SNX29: variants seen among roughly 807,000 people sequenced by gnomAD.
SNX29 encodes sorting nexin-29.
In SNX29, 78 loss-of-function variants were observed where a neutral mutation model predicts 102.1. That is an observed-to-expected ratio of 0.76 (90% CI 0.64 to 0.92). SNX29 has a LOEUF of 0.92. SNX29 is among the 40% of genes least tolerant of loss of function. The pLI is 0.00. For synonymous variants in SNX29, 580 were observed against 414.5 expected, an observed-to-expected ratio of 1.40 and a Z score of -4.85; for missense variants, 1,280 against 1,061.7, an observed-to-expected ratio of 1.21 and a Z score of -2.86.
At chr16:12,365,437 C>G (rs1244497033) in intron 16 of SNX29, among the ~76,000 whole-genome samples, 1 of 151,684 alleles carries the variant, frequency 6.6e-6, no homozygotes, top group African/African-American at 2.4e-5. Context: ...TGCCTGTAAT[C>G]TCAGCACTTT....
At chr16:12,270,794 C>A (rs532084972) in intron 14 of SNX29, among the ~76,000 whole-genome samples, 1 of 152,210 alleles carries the variant, frequency 6.6e-6, no homozygotes, top group South Asian at 2.1e-4. Context: ...GTAATCCCAG[C>A]ACTTTGGGAG....
chr16:12,118,279 A>G (rs2053818679), intron 11 of SNX29, among the ~76,000 whole-genome samples: 1 of 149,846 alleles, frequency 6.7e-6, no homozygotes, highest in Non-Finnish European at 1.5e-5. Context: ...ATGCCTTTTA[A>G]AAGAAGACTG....
rs527510991 is a variant in SNX29 at position 12,461,338 on chromosome 16, A to G, written c.2038-16381A>G. 5.9e-5 allele frequency among the ~76,000 whole-genome samples: 9 copies of G among 152,286 alleles called. No individual in the cohort carries two copies. The East Asian group carries it at 1.2e-3, about 20-fold the overall frequency. The stretch of plus-strand genomic sequence containing the variant: ...TGAATGTGCAGCTGGGCTGACTTGG[A>G]AGGAATTTCCAGAGGTGGTTTTGCT... On this transcript the variant is annotated intron_variant, in intron 18 of 20. Transcript: ENST00000566228.
intron 18 of SNX29, among the ~76,000 whole-genome samples, chr16:12,410,909 T>A (rs1806385634): frequency 6.6e-6 from 1 of 152,222 alleles, no homozygotes; most frequent in African/African-American, 2.4e-5. Context: ...TCTCAGCTCT[T>A]CCTTTTCATC....
chr16:12,567,481 TTTACAGATGTGA>T (rs1359395609), intron 20 of SNX29, among the ~76,000 whole-genome samples: 3 of 152,198 alleles, frequency 2.0e-5, no homozygotes, highest in South Asian at 4.1e-4. Flanking sequence ...CAAAAGGGAC[TTTACAGATGTGA>T]TTAAGGATTG....
chr16:12,211,516 A>G (rs2077182548), intron 14 of SNX29, among the ~76,000 whole-genome samples: 2 of 152,098 alleles, frequency 1.3e-5, no homozygotes, highest in Non-Finnish European at 2.9e-5. Flanking sequence ...GCTGAAGCTC[A>G]CTGTATTAGT....
chr16:12,255,622 A>T (rs2078550526), intron 14 of SNX29, among the ~76,000 whole-genome samples: 1 of 152,144 alleles, frequency 6.6e-6, no homozygotes, highest in African/African-American at 2.4e-5. Flanking sequence ...GAGTGAGATC[A>T]TGTGGTATTT....
At chr16:12,395,997 C>G (rs1047190265) in intron 16 of SNX29, among the ~76,000 whole-genome samples, 1 of 152,176 alleles carries the variant, frequency 6.6e-6, no homozygotes, top group Admixed American at 6.5e-5. Context: ...TTCCCAAATT[C>G]TTTTTCGAAG....
intron 19 of SNX29, among the ~76,000 whole-genome samples, chr16:12,485,157 G>A (rs2088166067): frequency 6.6e-6 from 1 of 152,218 alleles, no homozygotes; most frequent in African/African-American, 2.4e-5. Context: ...ACTTTTGGCT[G>A]AATATTTTTT....
chr16:12,550,069 C>G (rs938235443), intron 20 of SNX29, among the ~76,000 whole-genome samples: 2 of 152,186 alleles, frequency 1.3e-5, no homozygotes, highest in African/African-American at 2.4e-5. Flanking sequence ...TAGTCTCACC[C>G]TTTATAGGAA....
At chr16:12,162,752 G>A (rs530821043) in intron 13 of SNX29, among the ~76,000 whole-genome samples, 3 of 152,338 alleles carry the variant, frequency 2.0e-5, no homozygotes, top group South Asian at 2.1e-4. Context: ...CTGGCTCGTA[G>A]GAGGTGCGTA....
intron 14 of SNX29, among the ~76,000 whole-genome samples, chr16:12,245,863 A>C (rs1033727738): frequency 6.6e-6 from 1 of 152,110 alleles, no homozygotes; most frequent in Non-Finnish European, 1.5e-5. Flanking sequence ...GGTTGTTAGG[A>C]AGGCACTGGG....
intron 14 of SNX29, among the ~76,000 whole-genome samples, chr16:12,237,561 A>G (rs1567343607): frequency 2.0e-5 from 3 of 152,030 alleles, no homozygotes; most frequent in Non-Finnish European, 4.4e-5. Flanking sequence ...ACCTGAGGTC[A>G]GGAGTTTGAG....
intron 11 of SNX29, among the ~76,000 whole-genome samples, chr16:12,080,798 T>C (rs1252003128): frequency 6.6e-6 from 1 of 151,884 alleles, no homozygotes; most frequent in African/African-American, 2.4e-5. Context: ...TTCAAGCGAT[T>C]CTCCTGCGTC....
rs766788538 is a variant in SNX29 at position 12,572,366 on chromosome 16, C to T, written c.*3737C>T. On this transcript the variant is annotated 3_prime_UTR_variant, in exon 21 of 21. Transcript: ENST00000566228. Reference sequence around the variant, plus strand: ...CTGGTTGATGGACAGCAGGCTCTGCCTTCTGGAGGCGGCTTATATCCCAAC... The same window carrying T: ...CTGGTTGATGGACAGCAGGCTCTGCTTTCTGGAGGCGGCTTATATCCCAAC... 10 of 1,063,046 alleles carry T rather than the reference C, an allele frequency of 9.4e-6. No individual in the cohort carries two copies. The highest frequency in any genetic ancestry group is 4.2e-4 in the Middle Eastern group (1 of 2,406). The allele number at this position is 1,063,046 out of a possible 1,614,324, so 65.9% of individuals were successfully genotyped here.
chr16:12,432,896 A>G (rs2085371538), intron 18 of SNX29, among the ~76,000 whole-genome samples: 1 of 152,176 alleles, frequency 6.6e-6, no homozygotes, highest in Admixed American at 6.5e-5. Flanking sequence ...CCATGTGTTG[A>G]CTGTGCATTG....
In SNX29 at chr16:12,483,672, A is replaced by G. The variant is rs576366355; in HGVS notation, c.2178+5813A>G. 1.5e-4 allele frequency among the ~76,000 whole-genome samples: 23 copies of G among 152,282 alleles called. No homozygotes were observed. In the South Asian group the frequency reaches 4.1e-3, roughly 27 times the overall value. Reference sequence around the variant, plus strand: ...TGTTTAGGCCAAGGTAACAATTCCAAGATCTTGGTGACTTAAGCCAACAAG... The same window carrying G: ...TGTTTAGGCCAAGGTAACAATTCCAGGATCTTGGTGACTTAAGCCAACAAG... On this transcript the variant is annotated intron_variant, in intron 19 of 20. Transcript: ENST00000566228.
At chr16:12,279,912 C>G (rs1026492232) in intron 15 of SNX29, among the ~76,000 whole-genome samples, 13 of 152,188 alleles carry the variant, frequency 8.5e-5, no homozygotes, top group Non-Finnish European at 1.3e-4. Context: ...GGTGAGGACT[C>G]CATCAGACCA....
chr16:12,221,483 A>C (rs538872643), intron 14 of SNX29, among the ~76,000 whole-genome samples: 1 of 152,320 alleles, frequency 6.6e-6, no homozygotes, highest in African/African-American at 2.4e-5. Flanking sequence ...GCATGGTGGC[A>C]CACATCTGTA....
Sources: allele counts gnomAD v4.1 joint callset (sites outside exome capture counted in the v4.1 genomes callset), GRCh38; gene constraint gnomAD v4.1.1; transcripts MANE v1.5; gene names NCBI Gene and HGNC (gene_info 2026-07-23, HGNC 2026-07-21).